NAV2: variants seen among roughly 807,000 people sequenced by gnomAD.
The protein encoded by NAV2 is neuron navigator 2, also known as helicase, APC down-regulated 1.
NAV2 carries 54 observed loss-of-function variants against 223.2 expected under a neutral mutation model. That is an observed-to-expected ratio of 0.24 (90% CI 0.19 to 0.30). The LOEUF (loss-of-function observed/expected upper bound fraction) is 0.30. Among genes scored for constraint, NAV2 ranks in the 10% least tolerant of loss-of-function variants. The probability of loss-of-function intolerance (pLI) is 1.00; values close to 1 mark genes in which losing one functional copy is unlikely to be tolerated. For missense variants in NAV2, 2,806 were observed against 3,147.5 expected (o/e 0.89, Z 2.60); for synonymous variants, 1,279 against 1,239.3 (o/e 1.03, Z -0.67).
intron 1 of NAV2, among the ~76,000 whole-genome samples, chr11:19,723,198 T>C (rs574358353): frequency 6.6e-6 from 1 of 152,302 alleles, no homozygotes; most frequent in East Asian, 1.9e-4. Context: ...GGACAGAGTT[T>C]CCAGGAATGA....
At chr11:19,397,261 C>G (rs1387376159) in intron 1 of NAV2, among the ~76,000 whole-genome samples, 1 of 152,126 alleles carries the variant, frequency 6.6e-6, no homozygotes, top group Non-Finnish European at 1.5e-5. Context: ...GAGGGTTTCT[C>G]TGATCATTAG....
At chr11:19,925,131 T>G (rs2044623985) in intron 6 of NAV2, among the ~76,000 whole-genome samples, 1 of 152,232 alleles carries the variant, frequency 6.6e-6, no homozygotes, top group South Asian at 2.1e-4. Context: ...AAAATCCGGT[T>G]GTTTTTGTTG....
At chr11:19,460,257 T>G (rs886115867) in intron 1 of NAV2, among the ~76,000 whole-genome samples, 11 of 152,212 alleles carry the variant, frequency 7.2e-5, no homozygotes, top group Non-Finnish European at 1.5e-5. Flanking sequence ...GCTGCTGACT[T>G]AGAAAGAATG....
intron 1 of NAV2, among the ~76,000 whole-genome samples, chr11:19,497,011 A>G (rs2042817418): frequency 6.6e-6 from 1 of 152,156 alleles, no homozygotes; most frequent in South Asian, 2.1e-4. Context: ...TGGATCCCTC[A>G]TCTGTCAAGT....
At chr11:19,489,137 A>C (rs1398919051) in intron 1 of NAV2, among the ~76,000 whole-genome samples, 1 of 152,224 alleles carries the variant, frequency 6.6e-6, no homozygotes, top group Non-Finnish European at 1.5e-5. Context: ...TTTACCCCAC[A>C]GAAGAGGTGA....
chr11:19,422,220 G>A (rs1850643889), intron 1 of NAV2, among the ~76,000 whole-genome samples: 2 of 152,196 alleles, frequency 1.3e-5, no homozygotes, highest in Admixed American at 1.3e-4. Context: ...CAGTGACACA[G>A]TGCCAGTCTG....
intron 1 of NAV2, among the ~76,000 whole-genome samples, chr11:19,365,681 T>C (rs1379661426): frequency 1.3e-5 from 2 of 152,236 alleles, no homozygotes; most frequent in East Asian, 1.9e-4. Context: ...ATTTGTTTTC[T>C]ACCCTTCAGA....
chr11:19,513,862 G>A (rs1245649208), intron 1 of NAV2, among the ~76,000 whole-genome samples: 2 of 152,192 alleles, frequency 1.3e-5, no homozygotes, highest in African/African-American at 4.8e-5. Flanking sequence ...TGGGAGTGAT[G>A]CAGCTGTACA....
intron 1 of NAV2, among the ~76,000 whole-genome samples, chr11:19,769,475 C>CTGTTTCTGCT (rs1565284593): frequency 6.6e-6 from 1 of 152,196 alleles, no homozygotes; most frequent in African/African-American, 2.4e-5. Context: ...CAGATACACT[C>CTGTTTCTGCT]TGTTTCTGCT....
chr11:19,494,462 C>T (rs2042730385), intron 1 of NAV2, among the ~76,000 whole-genome samples: 1 of 152,212 alleles, frequency 6.6e-6, no homozygotes, highest in Non-Finnish European at 1.5e-5. Context: ...GCCATTTAAT[C>T]CTCCCACTTC....
intron 1 of NAV2, among the ~76,000 whole-genome samples, chr11:19,721,137 G>A (rs2050717041): frequency 6.6e-6 from 1 of 152,206 alleles, no homozygotes; most frequent in South Asian, 2.1e-4. Context: ...TTCTTAAATA[G>A]CAAGTGTGAA....
At chr11:19,466,183 G>T (rs569543402) in intron 1 of NAV2, among the ~76,000 whole-genome samples, 10 of 152,222 alleles carry the variant, frequency 6.6e-5, no homozygotes, top group African/African-American at 2.4e-4. Flanking sequence ...ATTTATAAAA[G>T]CCTTGTCTCT....
At chr11:19,495,228 G>A (rs901714757) in intron 1 of NAV2, among the ~76,000 whole-genome samples, 2 of 152,170 alleles carry the variant, frequency 1.3e-5, no homozygotes, top group African/African-American at 4.8e-5. Flanking sequence ...TCTCACATTG[G>A]TGGTTTCCTT....
chr11:19,495,700 A>C (rs1306296888), intron 1 of NAV2, among the ~76,000 whole-genome samples: 4 of 152,182 alleles, frequency 2.6e-5, no homozygotes, highest in Admixed American at 2.6e-4. Flanking sequence ...AATATAAACA[A>C]AAAAATTACA....
chr11:19,612,129 C>T (rs2046663675), intron 1 of NAV2, among the ~76,000 whole-genome samples: 2 of 152,240 alleles, frequency 1.3e-5, no homozygotes, highest in Non-Finnish European at 1.5e-5. Flanking sequence ...CCAAGCTCTA[C>T]ATTGGCCCCT....
intron 1 of NAV2, among the ~76,000 whole-genome samples, chr11:19,391,205 T>A (rs1849235433): frequency 6.6e-6 from 1 of 152,038 alleles, no homozygotes; most frequent in Non-Finnish European, 1.5e-5. Flanking sequence ...ACCACTCACC[T>A]CCAAGGGGCA....
intron 15 of NAV2, 66 bp from the exon 16 acceptor site, chr11:20,049,770 A>G (rs1037101646): frequency 3.3e-6 from 5 of 1,496,332 alleles, no homozygotes; most frequent in Non-Finnish European, 4.7e-6. Flanking sequence ...AATGTATATA[A>G]CAACACCTCT....
rs1184727798 is a variant in NAV2 at position 19,946,417 on chromosome 11, T to G, written c.2163T>G (p.Ala721=). Residue 721 remains alanine (A), a synonymous_variant, in exon 9 of 38, where the codon GCT becomes GCG. Coordinates refer to ENST00000349880, the MANE Select transcript of NAV2 (RefSeq NM_145117.5). ...LEELTGEDPE[A]RRLRTVKNIA... ...TCTTTCTAGGGGAAGATCCTGAGGCTCGGCGGCTGCGGACAGTGAAGAACA... is the reference window on the plus strand; with the variant it reads ...TCTTTCTAGGGGAAGATCCTGAGGCGCGGCGGCTGCGGACAGTGAAGAACA... The G allele has an allele frequency of 6.2e-7, 1 of 1,612,902 alleles. No individual in the cohort carries two copies. Among genetic ancestry groups the G allele is most frequent in the Admixed American group, 1.7e-5 (1 of 59,766 alleles).
At chr11:19,516,426 T>A (rs918433456) in intron 1 of NAV2, among the ~76,000 whole-genome samples, 1 of 152,206 alleles carries the variant, frequency 6.6e-6, no homozygotes, top group South Asian at 2.1e-4. Flanking sequence ...CAGCTGAGGA[T>A]AAAAGAGGCT....
Sources: gnomAD v4.1 joint callset for allele counts (sites outside exome capture counted in the v4.1 genomes callset) on GRCh38, gnomAD v4.1.1 for gene constraint, MANE v1.5 for transcripts, NCBI Gene and HGNC (gene_info 2026-07-23, HGNC 2026-07-21) for gene names.